Variants in SH3BGR observed in about 807,000 individuals in gnomAD.
The protein encoded by SH3BGR is SH3 domain binding glutamate rich protein, also known as SH3 domain-binding glutamic acid-rich protein.
Under a neutral mutation model 24.5 loss-of-function variants are expected in SH3BGR, and 29 were observed. The ratio of observed to expected loss-of-function variants is 1.18; its 90% CI spans 0.88 to 1.61. The LOEUF (loss-of-function observed/expected upper bound fraction) is 1.61, where lower values mean the gene tolerates loss of function less well. SH3BGR is among the 40% of genes most tolerant of loss of function. The pLI is 0.00. For synonymous variants in SH3BGR, 55 were observed against 65.7 expected (o/e 0.84, Z 0.79); for missense variants, 162 against 205.8 (o/e 0.79, Z 1.30).
chr21:39,447,029 C>T (rs1029112013), upstream of SH3BGR: 1 of 151,910 alleles, frequency 6.6e-6, no homozygotes, highest in African/African-American at 2.4e-5. Context: ...AAATGCATGA[C>T]CCACCCTGAG....
intron 3 of SH3BGR, among the ~76,000 whole-genome samples, chr21:39,481,978 G>C (rs745968118): frequency 6.6e-6 from 1 of 152,136 alleles, no homozygotes; most frequent in South Asian, 2.1e-4. Flanking sequence ...AGGGGAAACC[G>C]ATCTTTATAA....
At chr21:39,489,212 C>T (rs2078259397) in intron 3 of SH3BGR, among the ~76,000 whole-genome samples, 1 of 152,194 alleles carries the variant, frequency 6.6e-6, no homozygotes, top group Non-Finnish European at 1.5e-5. Flanking sequence ...CGAGAGATGC[C>T]AGGGTCTTCC....
At chr21:39,480,372 G>A (rs2078111271) in intron 3 of SH3BGR, among the ~76,000 whole-genome samples, 1 of 152,142 alleles carries the variant, frequency 6.6e-6, no homozygotes, top group South Asian at 2.1e-4. Context: ...CCTGCCTAGG[G>A]AACCACTCAA....
intron 1 of SH3BGR, among the ~76,000 whole-genome samples, chr21:39,461,088 A>G (rs562235129): frequency 1.2e-4 from 18 of 152,094 alleles, no homozygotes; most frequent in African/African-American, 2.9e-4. Context: ...CTCTATTCCA[A>G]TTAGGTCATG....
chr21:39,487,069 T>A (rs1430080040), intron 3 of SH3BGR, among the ~76,000 whole-genome samples: 1 of 152,180 alleles, frequency 6.6e-6, no homozygotes, highest in Non-Finnish European at 1.5e-5. Context: ...ATTATATCAA[T>A]GAAAGACATC....
At chr21:39,498,470 T>A (rs556104219) in intron 3 of SH3BGR, among the ~76,000 whole-genome samples, 3 of 152,204 alleles carry the variant, frequency 2.0e-5, no homozygotes, top group Admixed American at 6.5e-5. Context: ...GTCTCTGAAG[T>A]GTGGGTGGTA....
rs1287804293 is a variant in SH3BGR at position 39,511,486 on chromosome 21, G to A, written c.436-194G>A. On this transcript the variant is annotated intron_variant, in intron 5 of 6. Coordinates refer to ENST00000333634, the MANE Select transcript of SH3BGR (RefSeq NM_007341.3). The surrounding 1 kb of genome is among the most constrained non-coding windows in gnomAD (Gnocchi z 4.2). ...GTGTGTGTGTTTGGGCGGTATGTGT[G>A]TGGGGTGTGTGTGTGGCATGTGTTT... 6.6e-6 allele frequency among the ~76,000 whole-genome samples: 1 copy of A among 150,506 alleles called. No homozygotes were observed. The highest frequency in any genetic ancestry group is 2.4e-5 in the African/African-American group (1 of 41,016).
chr21:39,515,019 A>G (rs190875019), intron 6 of SH3BGR, 69 bp from the exon 7 acceptor site: 2 of 444,174 alleles, frequency 4.5e-6, no homozygotes, highest in African/African-American at 4.1e-5. Context: ...ATGTTAAGTG[A>G]TGAAGATTGT....
At chr21:39,510,480 C>CTGTAGCTACACACACACACA (rs1569178203) in intron 5 of SH3BGR, among the ~76,000 whole-genome samples, 3 of 143,852 alleles carry the variant, frequency 2.1e-5, no homozygotes, top group African/African-American at 7.9e-5. Context: ...CACACACACA[C>CTGTAGCTACACACACACACA]CCCATCAATT....
chr21:39,507,707 A>G (rs779044409), intron 4 of SH3BGR, among the ~76,000 whole-genome samples: 2 of 152,120 alleles, frequency 1.3e-5, no homozygotes, highest in African/African-American at 2.4e-5. Flanking sequence ...GTGCAGTGGC[A>G]TGATCATAGC....
intron 4 of SH3BGR, among the ~76,000 whole-genome samples, chr21:39,500,363 TG>T (rs1237284183): frequency 1.3e-5 from 2 of 151,990 alleles, no homozygotes; most frequent in African/African-American, 4.8e-5. Context: ...AAGGACTCCT[TG>T]GGGAGGGAAA....
intron 6 of SH3BGR, among the ~76,000 whole-genome samples, chr21:39,513,982 A>G (rs1189510379): frequency 6.6e-6 from 1 of 152,198 alleles, no homozygotes; most frequent in Non-Finnish European, 1.5e-5. Context: ...CCAAAAAAGA[A>G]AGAAAAAAAG....
intron 2 of SH3BGR, among the ~76,000 whole-genome samples, chr21:39,469,154 G>A (rs991579722): frequency 6.6e-6 from 1 of 151,684 alleles, no homozygotes; most frequent in East Asian, 1.9e-4. Flanking sequence ...TAAGAGGAAG[G>A]TACAGAAATT....
Position 39,511,948 on chromosome 21 carries a change from C to A in SH3BGR, c.*34+139C>A. 1.3e-6 allele frequency: 1 copy of A among 768,190 alleles called. No homozygotes were observed. Among genetic ancestry groups the A allele is most frequent in the Non-Finnish European group, 1.9e-6 (1 of 520,190 alleles). The allele number at this position is 768,190 out of a possible 1,614,324, so 47.6% of individuals were successfully genotyped here. On this transcript the variant is annotated intron_variant, in intron 6 of 6. Coordinates refer to ENST00000333634, the MANE Select transcript of SH3BGR (RefSeq NM_007341.3). The surrounding 1 kb of genome is among the most constrained non-coding windows in gnomAD (Gnocchi z 4.2). ...TCCTTCCAAAGCCCTGGTCTGCACACCTTTCTGGCGGGGTCCAGCTCCTTT... is the reference window on the plus strand; with the variant it reads ...TCCTTCCAAAGCCCTGGTCTGCACAACTTTCTGGCGGGGTCCAGCTCCTTT...
chr21:39,514,213 C>T (rs1569180375), intron 6 of SH3BGR, among the ~76,000 whole-genome samples: 1 of 152,040 alleles, frequency 6.6e-6, no homozygotes, highest in Non-Finnish European at 1.5e-5. Context: ...ATTTGGCTTC[C>T]AAAAACAAAC....
chr21:39,468,542 G>C (rs1306450508), intron 2 of SH3BGR, among the ~76,000 whole-genome samples: 1 of 151,752 alleles, frequency 6.6e-6, no homozygotes, highest in Admixed American at 6.6e-5. Context: ...GTACTCGATC[G>C]ATCCTCTTGC....
chr21:39,460,106 C>T (rs2077730693), intron 1 of SH3BGR, among the ~76,000 whole-genome samples: 1 of 152,160 alleles, frequency 6.6e-6, no homozygotes, highest in South Asian at 2.1e-4. Context: ...TTACGTGTTA[C>T]ACAGGTAGAG....
At chr21:39,492,258 A>G (rs989598542) in intron 3 of SH3BGR, among the ~76,000 whole-genome samples, 1 of 151,910 alleles carries the variant, frequency 6.6e-6, no homozygotes, top group African/African-American at 2.4e-5. Context: ...TGAGTCCCCA[A>G]AGTCCATTGT....
At chr21:39,507,479 A>G (rs968699021) in intron 4 of SH3BGR, among the ~76,000 whole-genome samples, 4 of 152,000 alleles carry the variant, frequency 2.6e-5, no homozygotes, top group Non-Finnish European at 4.4e-5. Flanking sequence ...GATTACAGGC[A>G]TGCGCCACCA....
Sources: allele counts gnomAD v4.1 joint callset (sites outside exome capture counted in the v4.1 genomes callset), GRCh38; gene constraint gnomAD v4.1.1; non-coding constraint Gnocchi (gnomAD v3.1); transcripts MANE v1.5; gene names NCBI Gene and HGNC (gene_info 2026-07-23, HGNC 2026-07-21).